The following KIRREL3 variants were observed in gnomAD, a reference collection of about 807,000 sequenced individuals.
KIRREL3 encodes the protein kirre like nephrin family adhesion molecule 3, also known as kin of IRRE-like protein 3.
KIRREL3 carries 36 observed loss-of-function variants against 89.7 expected under a neutral mutation model. The ratio of observed to expected loss-of-function variants is 0.40; its 90% CI spans 0.31 to 0.53. KIRREL3 has a LOEUF of 0.53. KIRREL3 is among the 20% of genes least tolerant of loss of function. KIRREL3 has a pLI of 0.49. For synonymous variants in KIRREL3, 445 were observed against 441.4 expected, an observed-to-expected ratio of 1.01 and a Z score of -0.10; for missense variants, 864 against 1,056.6, an observed-to-expected ratio of 0.82 and a Z score of 2.53.
intron 1 of KIRREL3, among the ~76,000 whole-genome samples, chr11:126,679,955 A>T (rs1946376137): frequency 6.6e-6 from 1 of 152,194 alleles, no homozygotes; most frequent in Non-Finnish European, 1.5e-5. Context: ...TTGAGTACAA[A>T]GCAGGAAGCC....
chr11:126,654,180 C>G (rs1945026964), intron 1 of KIRREL3, among the ~76,000 whole-genome samples: 1 of 109,568 alleles, frequency 9.1e-6, no homozygotes, highest in Admixed American at 1.1e-4. Flanking sequence ...GGTTGGGACA[C>G]CTGACAGGTG....
chr11:126,837,135 C>T lies in KIRREL3; in HGVS notation c.55+163320G>A, dbSNP rs1463630516. Among the ~76,000 whole-genome samples the T allele has an allele frequency of 1.3e-5, 2 of 152,104 alleles. No homozygotes were observed. Among genetic ancestry groups the T allele is most frequent in the African/African-American group, 4.8e-5 (2 of 41,414 alleles). ...TTTGGATTAAAAAGCCAGTTGGGTT[C>T]AAATCCAAGCTTGGTCTTTAACAAG... On this transcript the variant is annotated intron_variant, in intron 1 of 16. Coordinates refer to ENST00000525144, the MANE Select transcript of KIRREL3 (RefSeq NM_032531.4). This position sits in a 1 kb window ranked among gnomAD's most constrained non-coding sequence, Gnocchi z 4.7.
chr11:126,448,979 G>A (rs1463224452), intron 8 of KIRREL3, 30 bp downstream of exon 8: 8 of 1,573,766 alleles, frequency 5.1e-6, no homozygotes, highest in Middle Eastern at 1.7e-4. Context: ...ATGCCTGCTC[G>A]CCTGGGGAAG....
chr11:126,844,431 A>C lies in KIRREL3; in HGVS notation c.55+156024T>G, dbSNP rs1050937492. Among the ~76,000 whole-genome samples, 3 of 152,146 alleles carry C rather than the reference A, an allele frequency of 2.0e-5. No homozygotes were observed. The highest frequency in any genetic ancestry group is 7.2e-5 in the African/African-American group (3 of 41,414). On this transcript the variant is annotated intron_variant, in intron 1 of 16. Coordinates refer to ENST00000525144, the MANE Select transcript of KIRREL3 (RefSeq NM_032531.4). This position sits in a 1 kb window ranked among gnomAD's most constrained non-coding sequence, Gnocchi z 4.8. ...AGGGACGATACTGAGGAGACCTCCA[A>C]CCCAAAGGAAATAGACTGCAGCACT...
At position 126,705,329 on chromosome 11, in the gene KIRREL3, G is replaced by A. The variant is rs532349326; in HGVS notation, c.56-142417C>T. Among the ~76,000 whole-genome samples, 17 of 152,282 alleles carry A rather than the reference G, an allele frequency of 1.1e-4. No individual in the cohort carries two copies. In the South Asian group the frequency reaches 2.5e-3, roughly 22 times the overall value. On this transcript the variant is annotated intron_variant, in intron 1 of 16. Coordinates refer to ENST00000525144, the MANE Select transcript of KIRREL3 (RefSeq NM_032531.4). This position sits in a 1 kb window ranked among gnomAD's most constrained non-coding sequence, Gnocchi z 4.3. The stretch of plus-strand genomic sequence containing the variant: ...TGGGAGGTGATTGGGTCATGAGGTC[G>A]GATTCCTCAGGAATGGTTTGGCACT...
chr11:126,693,183 C>T (rs529240500), intron 1 of KIRREL3, among the ~76,000 whole-genome samples: 21 of 152,252 alleles, frequency 1.4e-4, no homozygotes, highest in Non-Finnish European at 1.9e-4. Context: ...CTTTGGGAGG[C>T]GAAGGCAGGC....
At position 126,860,770 on chromosome 11, in the gene KIRREL3, G is replaced by A. The variant is rs929588415; in HGVS notation, c.55+139685C>T. 6.6e-6 allele frequency among the ~76,000 whole-genome samples: 1 copy of A among 152,208 alleles called. No homozygotes were observed. Among genetic ancestry groups the A allele is most frequent in the Non-Finnish European group, 1.5e-5 (1 of 68,046 alleles). On this transcript the variant is annotated intron_variant, in intron 1 of 16. Coordinates refer to ENST00000525144, the MANE Select transcript of KIRREL3 (RefSeq NM_032531.4). This position sits in a 1 kb window ranked among gnomAD's most constrained non-coding sequence, Gnocchi z 4.6. ...TCCTGCCCTGGTCCAAAGGAGAGAGGCTGAGACTCTTAGAATGTCCAAGGA... is the reference window on the plus strand; with the variant it reads ...TCCTGCCCTGGTCCAAAGGAGAGAGACTGAGACTCTTAGAATGTCCAAGGA...
At chr11:126,470,437 T>C (rs1956854499) in intron 5 of KIRREL3, among the ~76,000 whole-genome samples, 1 of 152,070 alleles carries the variant, frequency 6.6e-6, no homozygotes, top group South Asian at 2.1e-4. Context: ...AGGGAAGGAG[T>C]TTGCCCTGGG....
intron 1 of KIRREL3, among the ~76,000 whole-genome samples, chr11:126,613,884 T>TGA (rs1321758275): frequency 1.2e-5 from 1 of 82,716 alleles, no homozygotes; most frequent in Admixed American, 1.4e-4. Context: ...TTTTTTTTTT[T>TGA]TTTTTTTTTA....
chr11:126,849,504 C>T (rs1309939313), intron 1 of KIRREL3, among the ~76,000 whole-genome samples: 1 of 152,090 alleles, frequency 6.6e-6, no homozygotes, highest in Non-Finnish European at 1.5e-5. Context: ...GGATTGAGGC[C>T]CCTTTCCAGT....
chr11:126,747,380 G>A lies in KIRREL3; in HGVS notation c.56-184468C>T, dbSNP rs191642313. Reference sequence around the variant, plus strand: ...CTCCATACTGAAAGCTAGTACCGTCGTCCCATGCTCTTCCCCATTATGTCC... The same window carrying A: ...CTCCATACTGAAAGCTAGTACCGTCATCCCATGCTCTTCCCCATTATGTCC... On this transcript the variant is annotated intron_variant, in intron 1 of 16. Transcript: ENST00000525144. The surrounding 1 kb of genome is among the most constrained non-coding windows in gnomAD (Gnocchi z 4.7). Among the ~76,000 whole-genome samples the A allele has an allele frequency of 7.2e-5, 11 of 152,214 alleles. No homozygotes were observed. Among genetic ancestry groups the A allele is most frequent in the African/African-American group, 1.9e-4 (8 of 41,516 alleles).
At chr11:126,524,636 G>C (rs1267882998) in intron 3 of KIRREL3, among the ~76,000 whole-genome samples, 1 of 152,190 alleles carries the variant, frequency 6.6e-6, no homozygotes, top group Non-Finnish European at 1.5e-5. Context: ...TTCCAGCTTT[G>C]GTGACTAGAA....
chr11:126,852,122 C>T (rs765164897), intron 1 of KIRREL3, among the ~76,000 whole-genome samples: 10 of 147,830 alleles, frequency 6.8e-5, no homozygotes, highest in East Asian at 4.0e-4. Context: ...GGTGCGATCT[C>T]GGCTCACTGC....
chr11:126,636,031 T>C lies in KIRREL3; in HGVS notation c.56-73119A>G, dbSNP rs370130452. ...ACTTGAATGCCCCTGAGTCAAAGTC[T>C]GCTCTGAAGACCAGCCCCCTTAGAG... is the stretch of plus-strand genomic sequence containing the variant. On this transcript the variant is annotated intron_variant, in intron 1 of 16. Transcript: ENST00000525144. This position sits in a 1 kb window ranked among gnomAD's most constrained non-coding sequence, Gnocchi z 4.4. Among the ~76,000 whole-genome samples the C allele has an allele frequency of 2.6e-5, 4 of 152,220 alleles. No individual in the cohort carries two copies. Among genetic ancestry groups the C allele is most frequent in the African/African-American group, 9.6e-5 (4 of 41,460 alleles).
chr11:126,701,315 A>G (rs1218831226), intron 1 of KIRREL3, among the ~76,000 whole-genome samples: 1 of 152,158 alleles, frequency 6.6e-6, no homozygotes, highest in Non-Finnish European at 1.5e-5. Context: ...ATAAATCCCC[A>G]GCATCAACGT....
In KIRREL3 at chr11:126,652,511, A is replaced by G. The variant is rs1377522325; in HGVS notation, c.56-89599T>C. 6.6e-6 allele frequency among the ~76,000 whole-genome samples: 1 copy of G among 152,136 alleles called. No homozygotes were observed. Among genetic ancestry groups the G allele is most frequent in the Non-Finnish European group, 1.5e-5 (1 of 68,010 alleles). ...GCCCTATGGTGTAGAGAATATCATT[A>G]TCTCCACTTCACAGGTCAGGGGGCT... On this transcript the variant is annotated intron_variant, in intron 1 of 16. Coordinates refer to ENST00000525144, the MANE Select transcript of KIRREL3 (RefSeq NM_032531.4). This position sits in a 1 kb window ranked among gnomAD's most constrained non-coding sequence, Gnocchi z 4.9.
chr11:126,611,834 AG>A lies in KIRREL3; in HGVS notation c.56-48923del, dbSNP rs1943142650. The stretch of plus-strand genomic sequence containing the variant: ...GGATCACACCTTGGCTGGACCCATC[AG>A]GCTGGAACACCAGATTCTTAATCAA... On this transcript the variant is annotated intron_variant, in intron 1 of 16. Coordinates refer to ENST00000525144, the MANE Select transcript of KIRREL3 (RefSeq NM_032531.4). The surrounding 1 kb of genome is among the most constrained non-coding windows in gnomAD (Gnocchi z 4.7). Among the ~76,000 whole-genome samples the A allele has an allele frequency of 6.6e-6, 1 of 152,216 alleles. No homozygotes were observed. Among genetic ancestry groups the A allele is most frequent in the Non-Finnish European group, 1.5e-5 (1 of 68,036 alleles).
In KIRREL3 at chr11:126,609,226, A is replaced by G. The variant is rs147543161; in HGVS notation, c.56-46314T>C. On this transcript the variant is annotated intron_variant, in intron 1 of 16. Transcript: ENST00000525144. This position sits in a 1 kb window ranked among gnomAD's most constrained non-coding sequence, Gnocchi z 5.0. Reference sequence around the variant, plus strand: ...GGGAAGGTTGGGTTCAGAAGGAGAGACTCTCCAGCCACACCTGTGAAGCTC... The same window carrying G: ...GGGAAGGTTGGGTTCAGAAGGAGAGGCTCTCCAGCCACACCTGTGAAGCTC... Among the ~76,000 whole-genome samples the G allele has an allele frequency of 0.019, 2,818 of 151,652 alleles. 41 individuals carry two copies. Among genetic ancestry groups the G allele is most frequent in the Non-Finnish European group, 0.026 (1,790 of 67,884 alleles).
chr11:126,559,789 C>T, intron 2 of KIRREL3, among the ~76,000 whole-genome samples: 1 of 152,126 alleles, frequency 6.6e-6, no homozygotes, highest in East Asian at 1.9e-4. Flanking sequence ...CCTGCCTCAG[C>T]TTCCTGAGTA....
Sources: allele counts gnomAD v4.1 joint callset (sites outside exome capture counted in the v4.1 genomes callset), GRCh38; gene constraint gnomAD v4.1.1; non-coding constraint Gnocchi (gnomAD v3.1); transcripts MANE v1.5; gene names NCBI Gene and HGNC (gene_info 2026-07-23, HGNC 2026-07-21).